The following CTNNBL1 variants were observed in gnomAD, a reference collection of about 807,000 sequenced individuals.
The protein encoded by CTNNBL1 is catenin beta like 1.
CTNNBL1 carries 31 observed loss-of-function variants against 72.7 expected under a neutral mutation model. The observed-to-expected ratio is 0.43, with a 90% CI of 0.32 to 0.58. CTNNBL1 has a LOEUF of 0.58. CTNNBL1 is among the 20% of genes least tolerant of loss of function. The pLI is 0.08. For missense variants in CTNNBL1, 534 were observed against 725.1 expected (o/e 0.74, Z 3.03); for synonymous variants, 240 against 267.3 (o/e 0.90, Z 1.00).
At chr20:37,792,772 G>T (rs2073737424) in intron 10 of CTNNBL1, among the ~76,000 whole-genome samples, 1 of 152,178 alleles carries the variant, frequency 6.6e-6, no homozygotes. Context: ...CAACCTGTAG[G>T]TGTTTACTGC....
At chr20:37,772,042 G>A (rs899343825) in intron 7 of CTNNBL1, among the ~76,000 whole-genome samples, 2 of 152,182 alleles carry the variant, frequency 1.3e-5, no homozygotes, top group African/African-American at 4.8e-5. Flanking sequence ...ACCCGTAACT[G>A]TGTGATGCTC....
chr20:37,749,508 G>GC (rs2073298663), intron 4 of CTNNBL1, among the ~76,000 whole-genome samples: 1 of 151,888 alleles, frequency 6.6e-6, no homozygotes, highest in African/African-American at 2.4e-5. Flanking sequence ...TTGACAGATT[G>GC]CCATTTCCCT....
At chr20:37,705,480 A>T (rs1208838130) in intron 1 of CTNNBL1, among the ~76,000 whole-genome samples, 1 of 152,174 alleles carries the variant, frequency 6.6e-6, no homozygotes, top group African/African-American at 2.4e-5. Context: ...ATTTTTTTTT[A>T]ATTCTACAAA....
chr20:37,814,649 CCCT>C (rs1373226220), intron 11 of CTNNBL1, among the ~76,000 whole-genome samples: 2 of 152,178 alleles, frequency 1.3e-5, no homozygotes, highest in South Asian at 2.1e-4. Context: ...AAATACATGT[CCCT>C]CCTCCAGCAA....
At chr20:37,718,638 G>T (rs2073014848) in intron 1 of CTNNBL1, among the ~76,000 whole-genome samples, 2 of 152,192 alleles carry the variant, frequency 1.3e-5, no homozygotes, top group Non-Finnish European at 2.9e-5. Context: ...CAGGCGGGGG[G>T]CTGACCACCC....
At chr20:37,723,007 C>T (rs2073053912) in intron 1 of CTNNBL1, among the ~76,000 whole-genome samples, 1 of 152,188 alleles carries the variant, frequency 6.6e-6, no homozygotes, top group East Asian at 1.9e-4. Context: ...AGTTTGCCTT[C>T]CAGTGACTTT....
chr20:37,871,586 GC>G (rs2072584758), intron 15 of CTNNBL1, among the ~76,000 whole-genome samples: 1 of 152,078 alleles, frequency 6.6e-6, no homozygotes, highest in African/African-American at 2.4e-5. Flanking sequence ...CCCCATAAAG[GC>G]CTTCGATGCG....
At chr20:37,730,677 A>T (rs747601205) in intron 1 of CTNNBL1, among the ~76,000 whole-genome samples, 1 of 152,206 alleles carries the variant, frequency 6.6e-6, no homozygotes, top group Non-Finnish European at 1.5e-5. Flanking sequence ...CATGGATTGC[A>T]TTGTAAAAGG....
At chr20:37,831,305 C>T (rs1031650883) in intron 11 of CTNNBL1, among the ~76,000 whole-genome samples, 1 of 152,140 alleles carries the variant, frequency 6.6e-6, no homozygotes, top group African/African-American at 2.4e-5. Context: ...GAGTATTTTC[C>T]ATGCATGCCA....
intron 4 of CTNNBL1, among the ~76,000 whole-genome samples, chr20:37,751,318 C>T (rs1195238296): frequency 6.6e-6 from 1 of 152,130 alleles, no homozygotes; most frequent in African/African-American, 2.4e-5. Flanking sequence ...TAACTTAAGG[C>T]ACCAGTACAT....
At chr20:37,715,137 T>C (rs548823844) in intron 1 of CTNNBL1, among the ~76,000 whole-genome samples, 2 of 152,330 alleles carry the variant, frequency 1.3e-5, no homozygotes, top group South Asian at 4.1e-4. Flanking sequence ...GAAACAGATC[T>C]GTAGTAATCA....
intron 13 of CTNNBL1, among the ~76,000 whole-genome samples, chr20:37,857,920 A>G (rs776823453): frequency 5.9e-5 from 9 of 152,206 alleles, no homozygotes; most frequent in African/African-American, 1.9e-4. Context: ...ACTGGATGCA[A>G]TCGTTCACAC....
At chr20:37,746,645 A>G (rs751125721) in intron 4 of CTNNBL1, 38 bp downstream of exon 4, 20 of 1,613,160 alleles carry the variant, frequency 1.2e-5, no homozygotes, top group Non-Finnish European at 1.6e-5. Context: ...GAGAGCTGAC[A>G]TGGTGGGGAA....
intron 11 of CTNNBL1, among the ~76,000 whole-genome samples, chr20:37,836,883 GA>G (rs1261904910): frequency 6.6e-6 from 1 of 152,050 alleles, no homozygotes; most frequent in Non-Finnish European, 1.5e-5. Flanking sequence ...CTTTGGCTCT[GA>G]TTTTTTTTTT....
At chr20:37,765,096 C>T in intron 5 of CTNNBL1, 101 bp from the exon 6 acceptor site, 1 of 776,886 alleles carries the variant, frequency 1.3e-6, no homozygotes, top group Non-Finnish European at 2.2e-6. Context: ...TATTTACTTA[C>T]TTTGTTCATT....
chr20:37,750,960 G>A (rs916946778), intron 4 of CTNNBL1: 1 of 152,210 alleles, frequency 6.6e-6, no homozygotes, highest in African/African-American at 2.4e-5. Context: ...TGGCTTGGGG[G>A]TGTGGGGAGT....
At chr20:37,764,232 A>G (rs2073443774) in intron 5 of CTNNBL1, among the ~76,000 whole-genome samples, 1 of 152,204 alleles carries the variant, frequency 6.6e-6, no homozygotes, top group East Asian at 1.9e-4. Context: ...TATGCAGCAG[A>G]CCGTGTCTTC....
At chr20:37,861,497 T>C (rs4811237) in intron 15 of CTNNBL1, among the ~76,000 whole-genome samples, 115,511 of 151,620 alleles carry the variant, frequency 0.76, 44,135 homozygotes, top group East Asian at 0.85. Context: ...TGGGTAACTC[T>C]AGACAAATCA....
intron 11 of CTNNBL1, among the ~76,000 whole-genome samples, chr20:37,804,200 A>AT (rs1167023869): frequency 1.1e-4 from 17 of 152,284 alleles, no homozygotes; most frequent in Admixed American, 1.0e-3. Flanking sequence ...ACTAGCTATA[A>AT]ATATGTTAAC....
Sources: allele counts gnomAD v4.1 joint callset (sites outside exome capture counted in the v4.1 genomes callset), GRCh38; gene constraint gnomAD v4.1.1; transcripts MANE v1.5; gene names NCBI Gene and HGNC (gene_info 2026-07-23, HGNC 2026-07-21).